The following PIEZO1 variants were observed in gnomAD, a reference collection of about 807,000 sequenced individuals.
The protein encoded by PIEZO1 is piezo-type mechanosensitive ion channel component 1.
PIEZO1 carries 296 observed loss-of-function variants against 297.2 expected under a neutral mutation model. The observed-to-expected ratio is 1.00, with a 90% CI of 0.91 to 1.10. The LOEUF is 1.10. Among genes scored for constraint, PIEZO1 ranks in the 50% least tolerant of loss-of-function variants. The pLI is 0.00. For synonymous variants in PIEZO1, 2,427 were observed against 1,507.5 expected, an observed-to-expected ratio of 1.61 and a Z score of -14.13; for missense variants, 5,018 against 3,455.5, an observed-to-expected ratio of 1.45 and a Z score of -11.34.
chr16:88,747,786 G>A (rs1054677308), intron 2 of PIEZO1, among the ~76,000 whole-genome samples: 2 of 152,216 alleles, frequency 1.3e-5, no homozygotes, highest in Non-Finnish European at 2.9e-5. Flanking sequence ...GGATTAGCCG[G>A]GGAGGCAGAT....
chr16:88,761,629 G>A (rs754435227), intron 1 of PIEZO1, among the ~76,000 whole-genome samples: 2 of 152,086 alleles, frequency 1.3e-5, no homozygotes, highest in African/African-American at 2.4e-5. Context: ...CGCAGTGAAC[G>A]ACCCCCAGCA....
chr16:88,778,453 G>A (rs1468534942), intron 1 of PIEZO1, among the ~76,000 whole-genome samples: 1 of 152,234 alleles, frequency 6.6e-6, no homozygotes, highest in East Asian at 1.9e-4. Flanking sequence ...GTCAGAGGGA[G>A]CCTGAAATAC....
chr16:88,733,758 G>GA lies in PIEZO1; in HGVS notation c.2330-14dup, dbSNP rs1398026502. The GA allele has an allele frequency of 2.6e-6, 4 of 1,535,468 alleles. No individual in the cohort carries two copies. The highest frequency in any genetic ancestry group is 3.5e-6 in the Non-Finnish European group (4 of 1,138,838). On this transcript the variant is annotated splice_polypyrimidine_tract_variant and intron_variant, in intron 17 of 50. Transcript: ENST00000301015. ...CACTTGGCTGCCCCTGTGATGGTGTGAGGGTCAGTGCGGGGCACAAACGGG... is the reference window on the plus strand; with the variant it reads ...CACTTGGCTGCCCCTGTGATGGTGTGAAGGGTCAGTGCGGGGCACAAACGGG...
intron 22 of PIEZO1, among the ~76,000 whole-genome samples, chr16:88,730,368 C>CGGAGGT (rs777963454): frequency 6.6e-6 from 1 of 151,924 alleles, no homozygotes; most frequent in African/African-American, 2.4e-5. Flanking sequence ...ATTTGGGAGG[C>CGGAGGT]GGGTGGATCA....
At chr16:88,784,855 G>A (rs929072700) in intron 1 of PIEZO1, 46 bp downstream of exon 1, 4 of 1,330,298 alleles carry the variant, frequency 3.0e-6, no homozygotes, top group Admixed American at 4.9e-5. Context: ...GGGGAGCCGA[G>A]ACGCAGCCCC....
Position 88,721,824 on chromosome 16 carries a change from G to A in PIEZO1, c.5198C>T (p.Ala1733Val). Residue 1733 changes from alanine (A) to valine (V), a missense_variant, in exon 37 of 51, where the codon GCC becomes GTC. Physicochemically the swap from Ala to Val is moderately conservative, Grantham distance 64. Transcript: ENST00000301015. ...PRPSKRFWMT[A>V]IVFTEIAVVV... ...TCGGCCCACCTCGGTGAAGACGATG[G>A]CCGTCATCCAGAAGCGCTTGCTGGG... The A allele has an allele frequency of 6.5e-7, 1 of 1,547,068 alleles. No individual in the cohort carries two copies. Among genetic ancestry groups the A allele is most frequent in the African/African-American group, 1.4e-5 (1 of 73,148 alleles).
intron 44 of PIEZO1, 49 bp from the exon 45 acceptor site, chr16:88,717,260 G>C: frequency 3.3e-6 from 5 of 1,504,640 alleles, no homozygotes; most frequent in Non-Finnish European, 4.5e-6. Flanking sequence ...CCTTCCTGCG[G>C]GTCACACAAC....
rs536029338 is a variant in PIEZO1 at position 88,725,746 on chromosome 16, C to A, written c.3969-62G>T. ...ACTCGACCCCAGCAACATGGGCAGC[C>A]GCCGCTCCCCGCTCAGCCCGGGACA... On this transcript the variant is annotated intron_variant, in intron 27 of 50. Transcript: ENST00000301015. 4.1e-5 allele frequency: 35 copies of A among 845,934 alleles called. 1 individual carries two copies. Among genetic ancestry groups the A allele is most frequent in the South Asian group, 3.7e-4 (25 of 68,410 alleles). The allele number at this position is 845,934 out of a possible 1,614,324, so 52.4% of individuals were successfully genotyped here. A position where few individuals can be genotyped will look rare whatever the true frequency, so the allele number is the denominator to read the frequency against.
At chr16:88,728,435 G>A (rs1904610145) in intron 22 of PIEZO1, among the ~76,000 whole-genome samples, 2 of 150,552 alleles carry the variant, frequency 1.3e-5, no homozygotes, top group African/African-American at 2.4e-5. Context: ...TGAACTCACA[G>A]CCCCATCTGC....
At chr16:88,731,531 G>A in intron 22 of PIEZO1, 175 bp downstream of exon 22, 1 of 594,548 alleles carries the variant, frequency 1.7e-6, no homozygotes. Flanking sequence ...CCGCCCCCGA[G>A]AGACAGGATG....
At chr16:88,724,391 C>T (rs982062763) in intron 30 of PIEZO1, among the ~76,000 whole-genome samples, 2 of 152,064 alleles carry the variant, frequency 1.3e-5, no homozygotes, top group East Asian at 1.9e-4. Flanking sequence ...ATTAGCTGGG[C>T]GTGGTGGCGG....
chr16:88,765,172 G>C (rs1312780596), intron 1 of PIEZO1, among the ~76,000 whole-genome samples: 2 of 152,354 alleles, frequency 1.3e-5, no homozygotes, highest in South Asian at 2.1e-4. Context: ...TCACAGGCTG[G>C]CCTGCTCTCT....
rs756712523 is a variant in PIEZO1 at position 88,723,162 on chromosome 16, G to A, written c.4439-11C>T. On this transcript the variant is annotated splice_polypyrimidine_tract_variant and intron_variant, in intron 32 of 50. Transcript: ENST00000301015. ...GGCTGGGACCACCTCCTGGGCACAG[G>A]ATGCTGGTGAGTGACTGGCAGTCCC... is the stretch of plus-strand genomic sequence containing the variant. 1.5e-5 allele frequency: 24 copies of A among 1,549,276 alleles called. No individual in the cohort carries two copies. The Admixed American group carries it at 2.5e-4, about 16-fold the overall frequency.
chr16:88,734,872 C>A lies in PIEZO1; in HGVS notation c.1848+3G>T. ...CCAGCCCCCATCCCGGCCCCCCAGC[C>A]ACCTGGAAGAGGGTGAGGCAGAGCA... On this transcript the variant is annotated splice_donor_region_variant and intron_variant, in intron 14 of 50. Coordinates refer to ENST00000301015, the MANE Select transcript of PIEZO1 (RefSeq NM_001142864.4). 6.5e-7 allele frequency: 1 copy of A among 1,550,354 alleles called. No homozygotes were observed. The highest frequency in any genetic ancestry group is 8.7e-7 in the Non-Finnish European group (1 of 1,146,960).
At chr16:88,749,358 G>A (rs910426723) in intron 2 of PIEZO1, 26 bp downstream of exon 2, 6 of 1,427,312 alleles carry the variant, frequency 4.2e-6, no homozygotes, top group Non-Finnish European at 5.5e-6. Flanking sequence ...CACCCTGAGA[G>A]CGTGGGCAGG....
At chr16:88,774,465 C>T (rs1266434033) in intron 1 of PIEZO1, among the ~76,000 whole-genome samples, 1 of 152,124 alleles carries the variant, frequency 6.6e-6, no homozygotes, top group Non-Finnish European at 1.5e-5. Flanking sequence ...AAAACAGGAC[C>T]CAGCTGTGAT....
intron 1 of PIEZO1, among the ~76,000 whole-genome samples, chr16:88,765,730 A>T (rs1057071182): frequency 1.4e-5 from 2 of 146,842 alleles, no homozygotes; most frequent in African/African-American, 5.1e-5. Flanking sequence ...GCTGGAGTGC[A>T]GTGGCACAAT....
chr16:88,742,851 C>T (rs1335694998), intron 2 of PIEZO1: 1 of 353,930 alleles, frequency 2.8e-6, no homozygotes, highest in Non-Finnish European at 5.6e-6. Context: ...CGGAGCGCCC[C>T]TGAGCAGCCG....
rs751636809 is a variant in PIEZO1 at position 88,732,599 on chromosome 16, C to CA, written c.2790+7dup. The CA allele has an allele frequency of 8.4e-6, 13 of 1,547,430 alleles. No homozygotes were observed. In the Admixed American group the frequency reaches 2.4e-4, roughly 28 times the overall value. ...CCCGCCCAGCCGCCCACCAGCCCTT[C>CA]AACTCACCTGGATGTAGCCCAGGTT... On this transcript the variant is annotated splice_region_variant and intron_variant, in intron 20 of 50. Transcript: ENST00000301015.
Sources: gnomAD v4.1 joint callset for allele counts (sites outside exome capture counted in the v4.1 genomes callset) on GRCh38, gnomAD v4.1.1 for gene constraint, MANE v1.5 for transcripts, NCBI Gene and HGNC (gene_info 2026-07-23, HGNC 2026-07-21) for gene names.